Variants in ZSCAN18 observed in about 807,000 individuals in gnomAD.
The protein encoded by ZSCAN18 is zinc finger and SCAN domain containing 18, also known as zinc finger and SCAN domain-containing protein 18.
ZSCAN18 carries 16 observed loss-of-function variants against 31.1 expected under a neutral mutation model. The observed-to-expected ratio is 0.51, with a 90% CI of 0.35 to 0.78. ZSCAN18 has a LOEUF of 0.78. ZSCAN18 is among the 30% of genes least tolerant of loss of function. The pLI is 0.01. For synonymous variants in ZSCAN18, 375 were observed against 320.7 expected (o/e 1.17, Z -1.81); for missense variants, 731 against 697.4 (o/e 1.05, Z -0.54).
chr19:58,094,874 TCG>T (rs1468528298), intron 1 of ZSCAN18, among the ~76,000 whole-genome samples: 1 of 69,352 alleles, frequency 1.4e-5, no homozygotes, highest in African/African-American at 6.9e-5. Flanking sequence ...TGAGACCCTG[TCG>T]CAAAAAAAAA....
At chr19:58,088,467 A>G (rs2074331071) in intron 3 of ZSCAN18, 1 of 510,150 alleles carries the variant, frequency 2.0e-6, no homozygotes, top group Non-Finnish European at 3.5e-6. Flanking sequence ...ATGTTTCTTC[A>G]CTATTTGTGG....
At chr19:58,088,052 A>G (rs1185592666) in intron 3 of ZSCAN18, 2 of 153,410 alleles carry the variant, frequency 1.3e-5, no homozygotes, top group African/African-American at 4.8e-5. Flanking sequence ...ACCACATGGA[A>G]GTTTCTATTT....
In ZSCAN18 at chr19:58,088,830, C is replaced by A. The variant is rs369976525; in HGVS notation, c.411G>T (p.Leu137=). 24 of 1,611,178 alleles carry A rather than the reference C, an allele frequency of 1.5e-5. No homozygotes were observed. Among genetic ancestry groups the A allele is most frequent in the Middle Eastern group, 1.6e-4 (1 of 6,082 alleles). The part of the protein sequence containing the change: ...LADVLEEPGM[L]LGSPAGSSSI... ...AGGATGAGCCCGCAGGGGAGCCCAG[C>A]AGCATCCCTGTCAACAGTGGAGGGA... The change falls in exon 3 of 7, where the codon CTG becomes CTT. Residue 137 remains leucine, a synonymous_variant. Transcript: ENST00000601144.
chr19:58,091,394 G>A (rs866174044), intron 1 of ZSCAN18, among the ~76,000 whole-genome samples: 7 of 152,090 alleles, frequency 4.6e-5, no homozygotes, highest in Admixed American at 1.3e-4. Context: ...AGAAAAAAGC[G>A]TAGGGAGCGG....
At chr19:58,089,775 T>C in intron 2 of ZSCAN18, 90 bp downstream of exon 2, 1 of 1,474,596 alleles carries the variant, frequency 6.8e-7, no homozygotes, top group Non-Finnish European at 9.1e-7. Flanking sequence ...GGAACTTAAC[T>C]ATCTCAGGCA....
rs149194758 is a variant in ZSCAN18 at position 58,097,290 on chromosome 19, T to C, written c.-120+884A>G. Among the ~76,000 whole-genome samples the C allele has an allele frequency of 3.3e-3, 495 of 151,530 alleles. 5 individuals are homozygous for C. The highest frequency in any genetic ancestry group is 0.012 in the African/African-American group (478 of 41,250). ...AGGAGCAAGAGCAGGGAAAGCCAGATAGTCTGGACGGGGGTAGAGGGGGAT... is the reference window on the plus strand; with the variant it reads ...AGGAGCAAGAGCAGGGAAAGCCAGACAGTCTGGACGGGGGTAGAGGGGGAT... On this transcript the variant is annotated intron_variant, in intron 1 of 6. Coordinates refer to ENST00000601144, the MANE Select transcript of ZSCAN18 (RefSeq NM_001145543.2).
chr19:58,098,305 C>CG (rs945939702), upstream of ZSCAN18: 2 of 985,470 alleles, frequency 2.0e-6, no homozygotes, highest in African/African-American at 3.5e-5. Context: ...GGCTGTGCCG[C>CG]GCACCGGGGC....
intron 1 of ZSCAN18, among the ~76,000 whole-genome samples, chr19:58,114,941 G>T (rs552399223): frequency 1.3e-5 from 2 of 152,244 alleles, no homozygotes; most frequent in Non-Finnish European, 2.9e-5. Context: ...AGAGACGGTT[G>T]TAAGTGTTCA....
intron 1 of ZSCAN18, chr19:58,107,981 G>A: frequency 1.9e-6 from 2 of 1,046,790 alleles, no homozygotes; most frequent in South Asian, 8.1e-5. Context: ...CGATGTTCCT[G>A]AAAAGTTTGA....
intron 1 of ZSCAN18, among the ~76,000 whole-genome samples, chr19:58,092,948 A>T (rs968492238): frequency 6.6e-6 from 1 of 151,332 alleles, no homozygotes; most frequent in African/African-American, 2.4e-5. Context: ...CTAATTTTTA[A>T]TTTGTTTTGT....
At chr19:58,100,760 G>A (rs556717419), upstream of ZSCAN18, among the ~76,000 whole-genome samples, 3 of 151,794 alleles carry the variant, frequency 2.0e-5, no homozygotes, top group East Asian at 2.0e-4. Flanking sequence ...GCAGGTGCCT[G>A]TAATTGCAGC....
intron 1 of ZSCAN18, chr19:58,108,600 C>G: frequency 1.0e-6 from 1 of 985,770 alleles, no homozygotes; most frequent in South Asian, 4.7e-5. Context: ...TATAAGGGCT[C>G]TCTCCAGTAT....
chr19:58,117,012 C>T (rs185921103), intron 1 of ZSCAN18, among the ~76,000 whole-genome samples: 4 of 152,290 alleles, frequency 2.6e-5, no homozygotes, highest in African/African-American at 4.8e-5. Context: ...CTCAGCCTCC[C>T]GAGCAGCTGG....
intron 1 of ZSCAN18, among the ~76,000 whole-genome samples, chr19:58,103,748 C>T (rs1368939674): frequency 6.6e-6 from 1 of 152,070 alleles, no homozygotes; most frequent in Non-Finnish European, 1.5e-5. Context: ...AGAGTCAGAC[C>T]TCTAACTTCA....
rs2074263148 is a variant in ZSCAN18 at position 58,085,621 on chromosome 19, G to A, written c.839-242C>T. The A allele has an allele frequency of 2.8e-5, 15 of 529,268 alleles. 1 individual carries two copies. The South Asian group carries it at 3.9e-4, about 14-fold the overall frequency. The allele number at this position is 529,268 out of a possible 1,614,324, so 32.8% of individuals were successfully genotyped here. On this transcript the variant is annotated intron_variant, in intron 6 of 6. Transcript: ENST00000601144. ...ACAACGGAGGCCACCGACAGGACAG[G>A]AAGGACAGCCCCACTGAGCCCGGGT... is the stretch of plus-strand genomic sequence containing the variant.
rs193189426 is a variant in ZSCAN18 at position 58,108,938 on chromosome 19, C to G, written c.130+9329G>C. On this transcript the variant is annotated intron_variant, in intron 1 of 1. Transcript: ENST00000595721. ...TCATCATTTTCCTCAAGAATTTGAC[C>G]GTTAGAGCCTTTCTGACAATTATGT... 7.5e-5 allele frequency: 80 copies of G among 1,071,094 alleles called. No homozygotes were observed. The East Asian group carries it at 4.6e-3, about 62-fold the overall frequency. 66.3% of individuals were successfully genotyped at this position (1,071,094 alleles called of 1,614,324 possible).
At chr19:58,103,111 G>T (rs1600003299), upstream of ZSCAN18, among the ~76,000 whole-genome samples, 1 of 142,230 alleles carries the variant, frequency 7.0e-6, no homozygotes, top group Non-Finnish European at 1.5e-5. Context: ...GACACAGCGA[G>T]ACTCTCTCTA....
intron 1 of ZSCAN18, among the ~76,000 whole-genome samples, chr19:58,112,978 A>AG (rs2074698673): frequency 6.7e-6 from 1 of 149,364 alleles, no homozygotes; most frequent in Non-Finnish European, 1.5e-5. Context: ...AAGAATTTAA[A>AG]GGGGACAGGT....
At chr19:58,101,558 C>A (rs2074595401), upstream of ZSCAN18, among the ~76,000 whole-genome samples, 1 of 145,526 alleles carries the variant, frequency 6.9e-6, no homozygotes, top group Non-Finnish European at 1.5e-5. Flanking sequence ...CTTGCTCTGT[C>A]ACCCAGGTTG....
Sources: gnomAD v4.1 joint callset for allele counts (sites outside exome capture counted in the v4.1 genomes callset) on GRCh38, gnomAD v4.1.1 for gene constraint, MANE v1.5 for transcripts, NCBI Gene and HGNC (gene_info 2026-07-23, HGNC 2026-07-21) for gene names.